Variants in EVI5 observed in about 807,000 individuals in gnomAD.
EVI5 encodes the protein ecotropic viral integration site 5 protein homolog.
A neutral mutation model predicts 112.0 loss-of-function variants in EVI5; 73 were observed. The ratio of observed to expected loss-of-function variants is 0.65; its 90% CI spans 0.54 to 0.79. The LOEUF (loss-of-function observed/expected upper bound fraction) is 0.79. Ranked by LOEUF, EVI5 falls within the 30% of genes least tolerant of loss-of-function variation. EVI5 has a pLI of 0.00. For synonymous variants in EVI5, 305 were observed against 319.9 expected, an observed-to-expected ratio of 0.95 and a Z score of 0.50; for missense variants, 900 against 968.8, an observed-to-expected ratio of 0.93 and a Z score of 0.94.
At chr1:92,764,438 C>T (rs1157560196) in intron 1 of EVI5, among the ~76,000 whole-genome samples, 1 of 152,068 alleles carries the variant, frequency 6.6e-6, no homozygotes, top group Non-Finnish European at 1.5e-5. Flanking sequence ...TCCATAATTC[C>T]GTTTCTACTC....
intron 2 of EVI5, among the ~76,000 whole-genome samples, chr1:92,715,642 A>G (rs1673520248): frequency 6.6e-6 from 1 of 152,158 alleles, no homozygotes; most frequent in Non-Finnish European, 1.5e-5. Context: ...AGGGCGAGCC[A>G]AAGCAGGGCG....
At chr1:92,717,178 A>C (rs1408061626) in intron 2 of EVI5, among the ~76,000 whole-genome samples, 1 of 152,154 alleles carries the variant, frequency 6.6e-6, no homozygotes, top group East Asian at 1.9e-4. Flanking sequence ...GGAAGAAAGG[A>C]TATCAGTGAC....
intron 13 of EVI5, chr1:92,647,026 TG>T (rs2102008528): frequency 9.3e-6 from 2 of 215,996 alleles, no homozygotes; most frequent in South Asian, 8.5e-5. Context: ...AGGAGACAGA[TG>T]AACAGTTTTT....
intron 14 of EVI5, among the ~76,000 whole-genome samples, chr1:92,628,405 C>A (rs1247357190): frequency 6.6e-6 from 1 of 152,202 alleles, no homozygotes; most frequent in African/African-American, 2.4e-5. Flanking sequence ...CTTGCCTAAG[C>A]AAACGTCTAG....
chr1:92,788,477 A>G (rs1284819680), upstream of EVI5, among the ~76,000 whole-genome samples: 4 of 135,340 alleles, frequency 3.0e-5, no homozygotes, highest in African/African-American at 8.5e-5. Context: ...CTCCATCTCA[A>G]AAACAAAACA....
intron 19 of EVI5, among the ~76,000 whole-genome samples, chr1:92,561,608 C>CTATCTATCTAT (rs1557790129): frequency 1.5e-5 from 2 of 132,248 alleles, no homozygotes; most frequent in East Asian, 2.2e-4. Context: ...TCTAATCTAT[C>CTATCTATCTAT]CTATCTATCT....
At chr1:92,575,405 G>C (rs1160739035) in intron 18 of EVI5, among the ~76,000 whole-genome samples, 1 of 151,952 alleles carries the variant, frequency 6.6e-6, no homozygotes, top group Non-Finnish European at 1.5e-5. Flanking sequence ...TAAATTTACA[G>C]TAAGTCCATA....
intron 19 of EVI5, among the ~76,000 whole-genome samples, chr1:92,560,639 G>A (rs2100862842): frequency 6.6e-6 from 1 of 152,012 alleles, no homozygotes; most frequent in Non-Finnish European, 1.5e-5. Flanking sequence ...ACGGTTCACT[G>A]CAGCCTTGAC....
intron 2 of EVI5, among the ~76,000 whole-genome samples, chr1:92,731,362 C>G (rs547374746): frequency 6.6e-6 from 1 of 152,242 alleles, no homozygotes; most frequent in African/African-American, 2.4e-5. Flanking sequence ...CTTTTTAACA[C>G]AGAAGGTGTT....
intron 14 of EVI5, 56 bp downstream of exon 14, chr1:92,636,146 A>C: frequency 6.9e-7 from 1 of 1,455,178 alleles, no homozygotes; most frequent in Middle Eastern, 1.8e-4. Context: ...AGTACTTAAT[A>C]AATATCACAT....
intron 14 of EVI5, among the ~76,000 whole-genome samples, chr1:92,628,510 G>A (rs967283156): frequency 1.2e-4 from 18 of 152,106 alleles, no homozygotes; most frequent in South Asian, 4.1e-4. Flanking sequence ...TTTGTATAAC[G>A]TGAGAGAAGA....
chr1:92,588,687 T>C (rs1334565780), intron 18 of EVI5, among the ~76,000 whole-genome samples: 1 of 152,260 alleles, frequency 6.6e-6, no homozygotes, highest in Non-Finnish European at 1.5e-5. Flanking sequence ...TGTTCACTAA[T>C]CCAGGTAGTG....
At chr1:92,620,992 T>C (rs1654435596) in intron 16 of EVI5, among the ~76,000 whole-genome samples, 1 of 152,034 alleles carries the variant, frequency 6.6e-6, no homozygotes, top group Non-Finnish European at 1.5e-5. Context: ...ACACATGAAG[T>C]GTATAGTTAT....
At chr1:92,718,434 G>C (rs1023024191) in intron 2 of EVI5, among the ~76,000 whole-genome samples, 10 of 152,180 alleles carry the variant, frequency 6.6e-5, no homozygotes, top group Non-Finnish European at 1.3e-4. Flanking sequence ...ACCTGCTCCT[G>C]AATGACGACT....
chr1:92,697,851 C>T lies in EVI5; in HGVS notation c.765+9G>A, dbSNP rs200402315. 1.2e-6 allele frequency: 2 copies of T among 1,607,058 alleles called. No individual in the cohort carries two copies. Among genetic ancestry groups the T allele is most frequent in the Non-Finnish European group, 1.7e-6 (2 of 1,177,056 alleles). ...GCAATATGCCTTTTTATCAACACTG[C>T]ACTTTTACCTGTATCATACATTCAA... On this transcript the variant is annotated intron_variant, in intron 6 of 19. Transcript: ENST00000684568.
chr1:92,562,461 C>T (rs995835948), intron 19 of EVI5, among the ~76,000 whole-genome samples: 2 of 152,016 alleles, frequency 1.3e-5, no homozygotes, highest in African/African-American at 2.4e-5. Context: ...ACCTGGGAGG[C>T]GGAGCTTGCA....
At chr1:92,670,435 T>C (rs1323842526) in intron 10 of EVI5, among the ~76,000 whole-genome samples, 1 of 152,184 alleles carries the variant, frequency 6.6e-6, no homozygotes, top group Non-Finnish European at 1.5e-5. Flanking sequence ...CTATTCCTTC[T>C]TGACAAAGTT....
At chr1:92,681,488 G>A (rs1667576891) in intron 9 of EVI5, among the ~76,000 whole-genome samples, 1 of 152,068 alleles carries the variant, frequency 6.6e-6, no homozygotes, top group East Asian at 1.9e-4. Context: ...AAAAGTCAAA[G>A]GCTAAGATTC....
At chr1:92,658,170 T>C (rs905112599) in intron 13 of EVI5, among the ~76,000 whole-genome samples, 1 of 152,142 alleles carries the variant, frequency 6.6e-6, no homozygotes, top group African/African-American at 2.4e-5. Context: ...TCCTCTAAGA[T>C]CTGGAACAAG....
Sources: gnomAD v4.1 joint callset for allele counts (sites outside exome capture counted in the v4.1 genomes callset) on GRCh38, gnomAD v4.1.1 for gene constraint, MANE v1.5 for transcripts, NCBI Gene and HGNC (gene_info 2026-07-23, HGNC 2026-07-21) for gene names.